The following TEP1 variants were observed in gnomAD, a reference collection of about 807,000 sequenced individuals.
TEP1 encodes the protein telomerase protein component 1.
Under a neutral mutation model 306.3 loss-of-function variants are expected in TEP1, and 241 were observed. The observed-to-expected ratio is 0.79, with a 90% CI of 0.71 to 0.88. The LOEUF (loss-of-function observed/expected upper bound fraction) is 0.88. Ranked by LOEUF, TEP1 falls within the 40% of genes least tolerant of loss-of-function variation. The pLI, the probability that TEP1 is intolerant of heterozygous loss-of-function variation, is 0.00. For synonymous variants in TEP1, 1,289 were observed against 1,305.5 expected, an observed-to-expected ratio of 0.99 and a Z score of 0.27; for missense variants, 3,051 against 3,276.1, an observed-to-expected ratio of 0.93 and a Z score of 1.68.
chr14:20,409,898 T>A (rs2139215140), intron 1 of TEP1, among the ~76,000 whole-genome samples: 1 of 151,642 alleles, frequency 6.6e-6, no homozygotes, highest in East Asian at 1.9e-4. Flanking sequence ...GGCGGGCACC[T>A]GTAGTCCCAG....
Position 20,382,002 on chromosome 14 carries a change from A to G in TEP1, c.4335T>C (p.Thr1445=), listed in dbSNP as rs1876600681. The G allele has an allele frequency of 6.2e-7, 1 of 1,614,058 alleles. No homozygotes were observed. Among genetic ancestry groups the G allele is most frequent in the African/African-American group, 1.3e-5 (1 of 74,918 alleles). ...CAGCCACTGCTTCTTCCCAGCTCTT[A>G]GTCCCCTTCGGTAGTGTCCGCCACA... is the stretch of plus-strand genomic sequence containing the variant. The part of the protein sequence containing the change: ...LSVWRTLPKG[T]KSWEEAVAAG... Residue 1445 remains threonine, a synonymous_variant, in exon 30 of 55, where the codon ACT becomes ACC. Coordinates refer to ENST00000262715, the MANE Select transcript of TEP1 (RefSeq NM_007110.5).
In TEP1 at chr14:20,374,429, C is replaced by T. The variant is rs779402043; in HGVS notation, c.6471G>A (p.Val2157=). ...HQSAVSAVAA[V]EEHVVSVSRD... ...AGTGGGATCTCCATTGCTTTCTCAC[C>T]ACAGCTGCCACAGCGCTCACAGCAC... The change falls in exon 44 of 55, where the codon GTG becomes GTA. Residue 2157 remains valine (V), a splice_region_variant and synonymous_variant. Coordinates refer to ENST00000262715, the MANE Select transcript of TEP1 (RefSeq NM_007110.5). The T allele has an allele frequency of 7.4e-6, 12 of 1,611,142 alleles. No homozygotes were observed.
intron 35 of TEP1, 33 bp from the exon 36 acceptor site, chr14:20,379,138 C>A: frequency 1.2e-6 from 2 of 1,609,884 alleles, no homozygotes; most frequent in South Asian, 1.1e-5. Flanking sequence ...GCAGCTCAGG[C>A]CATCCCCTTG....
chr14:20,406,697 T>C (rs1411231004), intron 2 of TEP1, among the ~76,000 whole-genome samples: 2 of 152,196 alleles, frequency 1.3e-5, no homozygotes, highest in African/African-American at 2.4e-5. Context: ...CACACACCTT[T>C]TAGGATATTA....
intron 20 of TEP1, 111 bp from the exon 21 acceptor site, chr14:20,385,220 T>G (rs1413054132): frequency 1.5e-5 from 21 of 1,383,456 alleles, no homozygotes; most frequent in Admixed American, 2.2e-5. Flanking sequence ...TCTCCTTCCC[T>G]CCAGGCACAA....
At chr14:20,370,672 T>C (rs1007017402) in intron 51 of TEP1, among the ~76,000 whole-genome samples, 2 of 152,234 alleles carry the variant, frequency 1.3e-5, no homozygotes, top group African/African-American at 4.8e-5. Flanking sequence ...GCAGAATGTA[T>C]GTACTCCTTT....
chr14:20,401,853 G>A (rs1034464926), intron 7 of TEP1, among the ~76,000 whole-genome samples: 2 of 152,180 alleles, frequency 1.3e-5, no homozygotes, highest in African/African-American at 4.8e-5. Flanking sequence ...ACAAGGTGGG[G>A]ATAGAATGAA....
intron 41 of TEP1, 127 bp from the exon 42 acceptor site, chr14:20,376,391 A>C: frequency 2.1e-6 from 2 of 967,610 alleles, no homozygotes; most frequent in Non-Finnish European, 3.0e-6. Flanking sequence ...CATGGGAGGG[A>C]TGCAGGGAGT....
At chr14:20,392,282 A>G (rs935518530) in intron 12 of TEP1, among the ~76,000 whole-genome samples, 5 of 152,240 alleles carry the variant, frequency 3.3e-5, no homozygotes, top group Admixed American at 6.5e-5. Flanking sequence ...GCAACCGCCA[A>G]TGAAACAATT....
chr14:20,400,804 C>T lies in TEP1; in HGVS notation c.1549+180G>A, dbSNP rs1005146697. ...ATAATGATCTATGATGCCAACATTA[C>T]TCAAAGCAGGTACCACTGTTTACTT... On this transcript the variant is annotated intron_variant, in intron 9 of 54. Transcript: ENST00000262715. 4 of 707,572 alleles carry T rather than the reference C, an allele frequency of 5.7e-6. No homozygotes were observed. The African/African-American group carries it at 7.2e-5, about 13-fold the overall frequency. The allele number at this position is 707,572 out of a possible 1,614,324, so 43.8% of individuals were successfully genotyped here.
Position 20,408,162 on chromosome 14 carries a change from T to A in TEP1, c.278A>T (p.Lys93Ile). ...ATLSDLKTMEKPHGHVSAHPD... is the reference protein window; with the variant it reads ...ATLSDLKTMEIPHGHVSAHPD... ...GTGGGCAGAAACATGTCCATGTGGTTTCTCCATGGTCTTCAGGTCAGAAAG... is the reference window on the plus strand; with the variant it reads ...GTGGGCAGAAACATGTCCATGTGGTATCTCCATGGTCTTCAGGTCAGAAAG... The change falls in exon 2 of 55, where the codon AAA (lysine) becomes ATA (isoleucine). Residue 93 changes from lysine (K) to isoleucine (I), a missense_variant. This residue lies in a region of TEP1 where 1,507 missense variants were observed against 1,550.5 expected (regional missense o/e 0.97). Transcript: ENST00000262715. 6 of 1,612,018 alleles carry A rather than the reference T, an allele frequency of 3.7e-6. No individual in the cohort carries two copies. The highest frequency in any genetic ancestry group is 5.1e-6 in the Non-Finnish European group (6 of 1,179,702).
At position 20,367,096 on chromosome 14, in the gene TEP1, G is replaced by C. The variant is rs1884511642; in HGVS notation, c.*1341C>G. On this transcript the variant is annotated 3_prime_UTR_variant, in exon 55 of 55. Coordinates refer to ENST00000262715, the MANE Select transcript of TEP1 (RefSeq NM_007110.5). ...GTTCTTTTATGGGCCGGGCACAATGGCTCACGCCTGTAATCCCAGAACTTT... is the reference window on the plus strand; with the variant it reads ...GTTCTTTTATGGGCCGGGCACAATGCCTCACGCCTGTAATCCCAGAACTTT... 1 of 152,208 alleles carries C rather than the reference G, an allele frequency of 6.6e-6. No homozygotes were observed. Among genetic ancestry groups the C allele is most frequent in the South Asian group, 2.1e-4 (1 of 4,830 alleles). 9.4% of individuals were successfully genotyped at this position (152,208 alleles called of 1,614,324 possible).
At chr14:20,371,749 C>A in intron 49 of TEP1, 117 bp from the exon 50 acceptor site, 1 of 1,214,136 alleles carries the variant, frequency 8.2e-7, no homozygotes, top group Non-Finnish European at 1.1e-6. Context: ...GTATCACCTT[C>A]CCTGAAAATC....
At chr14:20,391,798 C>A in intron 12 of TEP1, 31 bp from the exon 13 acceptor site, 1 of 1,608,756 alleles carries the variant, frequency 6.2e-7, no homozygotes, top group Non-Finnish European at 8.5e-7. Flanking sequence ...GACACAGGGG[C>A]TCAGGGACTT....
At chr14:20,406,911 C>A (rs1254427760) in intron 2 of TEP1, among the ~76,000 whole-genome samples, 1 of 152,202 alleles carries the variant, frequency 6.6e-6, no homozygotes, top group Non-Finnish European at 1.5e-5. Context: ...TGTAAGATGG[C>A]AGCAGTTGTA....
In TEP1 at chr14:20,391,973, C is replaced by T. The variant is rs147848458; in HGVS notation, c.1929-206G>A. Reference sequence around the variant, plus strand: ...CCCATCCTATAGGATTCTTCTAATCCACACTCATGGTAGGAGAGGGGAAGT... The same window carrying T: ...CCCATCCTATAGGATTCTTCTAATCTACACTCATGGTAGGAGAGGGGAAGT... On this transcript the variant is annotated intron_variant, in intron 12 of 54. Coordinates refer to ENST00000262715, the MANE Select transcript of TEP1 (RefSeq NM_007110.5). 7.7e-3 allele frequency among the ~76,000 whole-genome samples: 1,168 copies of T among 152,226 alleles called. 9 individuals are homozygous for T. Among genetic ancestry groups the T allele is most frequent in the Non-Finnish European group, 0.014 (929 of 68,008 alleles).
At chr14:20,409,861 A>T (rs1879498182) in intron 1 of TEP1, among the ~76,000 whole-genome samples, 1 of 151,840 alleles carries the variant, frequency 6.6e-6, no homozygotes, top group African/African-American at 2.4e-5. Flanking sequence ...TCTACTAAAA[A>T]AATACAAAAA....
At chr14:20,386,923 A>G (rs1260667091) in intron 18 of TEP1, among the ~76,000 whole-genome samples, 1 of 151,748 alleles carries the variant, frequency 6.6e-6, no homozygotes, top group Non-Finnish European at 1.5e-5. Context: ...CATTTTAGCA[A>G]TCAAGAAACG....
intron 13 of TEP1, among the ~76,000 whole-genome samples, chr14:20,391,297 C>A (rs1175112919): frequency 6.6e-6 from 1 of 152,094 alleles, no homozygotes; most frequent in Non-Finnish European, 1.5e-5. Flanking sequence ...AGGATCCCTG[C>A]CCAAGTTCAA....
Sources: gnomAD v4.1 joint callset for allele counts (sites outside exome capture counted in the v4.1 genomes callset) on GRCh38, gnomAD v4.1.1 for gene constraint, gnomAD v4.1.1 regional missense constraint, MANE v1.5 for transcripts, NCBI Gene and HGNC (gene_info 2026-07-23, HGNC 2026-07-21) for gene names.